CDK20: variants seen among roughly 807,000 people sequenced by gnomAD.
CDK20 encodes the protein cyclin-dependent kinase 20.
A neutral mutation model predicts 38.6 loss-of-function variants in CDK20; 40 were observed. That is an observed-to-expected ratio of 1.04 (90% CI 0.81 to 1.35). CDK20 has a LOEUF of 1.35. Ranked by LOEUF, CDK20 falls within the 40% of genes most tolerant of loss-of-function variation. The pLI, the probability that CDK20 is intolerant of heterozygous loss-of-function variation, is 0.00. For missense variants in CDK20, 512 were observed against 452.6 expected (o/e 1.13, Z -1.19); for synonymous variants, 209 against 185.7 (o/e 1.13, Z -1.02).
At position 87,969,341 on chromosome 9, in the gene CDK20, A is replaced by G. The variant is rs754986122; in HGVS notation, c.696T>C (p.Thr232=). The G allele has an allele frequency of 1.9e-6, 3 of 1,613,920 alleles. No individual in the cohort carries two copies. The highest frequency in any genetic ancestry group is 2.5e-6 in the Non-Finnish European group (3 of 1,179,932). The change falls in exon 7 of 8, where the codon ACT becomes ACC. Residue 232 remains threonine, a synonymous_variant. Transcript: ENST00000325303. The part of the protein sequence containing the change: ...TPNPQVWPEL[T]ELPDYNKISF... ...AGATCTTGTTGTAGTCCGGCAGCTC[A>G]GTGAGCTCCTGGGCCAGGGAGAAGG...
rs948849453 is a variant in CDK20, at chr9:87,969,061, C to T, written c.843+133G>A. On this transcript the variant is annotated intron_variant, in intron 7 of 7. Coordinates refer to ENST00000325303, the MANE Select transcript of CDK20 (RefSeq NM_001039803.3). ...CCCCTGTCCCCTGGGTTCCAGATGT[C>T]TGGTGCTGGTCCATGCCAATCACAG... is the stretch of plus-strand genomic sequence containing the variant. 17 of 1,063,312 alleles carry T rather than the reference C, an allele frequency of 1.6e-5. No individual in the cohort carries two copies. In the African/African-American group the frequency reaches 1.7e-4, roughly 11 times the overall value. The allele number at this position is 1,063,312 out of a possible 1,614,324, so 65.9% of individuals were successfully genotyped here. A position where few individuals can be genotyped will look rare whatever the true frequency, so the allele number is the denominator to read the frequency against.
chr9:87,970,702 G>A lies in CDK20; in HGVS notation c.501-72C>T, dbSNP rs556125732. On this transcript the variant is annotated intron_variant, in intron 4 of 7. Transcript: ENST00000325303. ...TGGGGAGGTGACCCCAGCCCCACAA[G>A]CAATGTCTGGAGAAAAGGCCCAGAA... 163 of 1,612,538 alleles carry A rather than the reference G, an allele frequency of 1.0e-4. No homozygotes were observed. In the African/African-American group the frequency reaches 2.1e-3, roughly 20 times the overall value.
chr9:87,974,293 A>G (rs1003172998), intron 1 of CDK20, 79 bp downstream of exon 1: 2 of 1,453,848 alleles, frequency 1.4e-6, no homozygotes, highest in Admixed American at 3.8e-5. Flanking sequence ...TAAAAAGGGA[A>G]CCGAAACAGT....
chr9:87,969,465 C>G (rs980131995), intron 6 of CDK20, 116 bp from the exon 7 acceptor site: 1 of 1,120,352 alleles, frequency 8.9e-7, no homozygotes, highest in Admixed American at 2.1e-5. Context: ...CTCTCCCATC[C>G]ATGTGTCTCC....
Position 87,970,612 on chromosome 9 carries a change from C to T in CDK20, c.519G>A (p.Glu173=), listed in dbSNP as rs772262030. 1.2e-5 allele frequency: 19 copies of T among 1,613,944 alleles called. No homozygotes were observed. Among genetic ancestry groups the T allele is most frequent in the Middle Eastern group, 1.6e-4 (1 of 6,082 alleles). Residue 173 remains glutamate (E), a synonymous_variant, in exon 5 of 8, where the codon GAG becomes GAA. Coordinates refer to ENST00000325303, the MANE Select transcript of CDK20 (RefSeq NM_001039803.3). The part of the protein sequence containing the change: ...QVATRWYRAP[E]LLYGARQYDQ... ...CATACTGGCGGGCACCATACAGGAG[C>T]TCGGGGGCTCGGTACCACCTGCGAG...
At position 87,969,787 on chromosome 9, in the gene CDK20, C is replaced by T. The variant is rs757008636; in HGVS notation, c.687+9G>A. The T allele has an allele frequency of 5.0e-6, 8 of 1,613,642 alleles. No homozygotes were observed. The South Asian group carries it at 7.7e-5, about 16-fold the overall frequency. The stretch of plus-strand genomic sequence containing the variant: ...CCCCACACCCACCTCACCAAGGGCC[C>T]CTACAAACCGGCCAGACTTGAGGGT... On this transcript the variant is annotated intron_variant, in intron 6 of 7. Coordinates refer to ENST00000325303, the MANE Select transcript of CDK20 (RefSeq NM_001039803.3).
rs1250770459 is a variant in CDK20, at chr9:87,971,199, T to C, written c.326A>G (p.Gln109Arg). 3.1e-6 allele frequency: 5 copies of C among 1,614,194 alleles called. No homozygotes were observed. Among genetic ancestry groups the C allele is most frequent in the Non-Finnish European group, 4.2e-6 (5 of 1,180,036 alleles). The change falls in exon 3 of 8, where the codon CAG becomes CGG. Residue 109 changes from glutamine to arginine, a missense_variant. By Grantham distance (43) the Gln-to-Arg change is conservative. Coordinates refer to ENST00000325303, the MANE Select transcript of CDK20 (RefSeq NM_001039803.3). ...GAAGGCGACACCCTTGAGCAGCATCTGCAGGTAGCTCTTGACCTGTGCCTG... is the reference window on the plus strand; with the variant it reads ...GAAGGCGACACCCTTGAGCAGCATCCGCAGGTAGCTCTTGACCTGTGCCTG... ...LAQAQVKSYL[Q>R]MLLKGVAFCH...
In CDK20 at chr9:87,969,906, T is replaced by G. The variant is rs1295719575; in HGVS notation, c.577A>C (p.Ile193Leu). ...GACCCATTCAACAGCTCCCCCATGA[T>G]GCAGCCCACAGACCTGTGGACACAG... ...QGVDLWSVGC[I>L]MGELLNGSPL... The change falls in exon 6 of 8, where the codon ATC (isoleucine) becomes CTC (leucine). Residue 193 changes from isoleucine (I) to leucine (L), a missense_variant. Transcript: ENST00000325303. The G allele has an allele frequency of 2.5e-6, 4 of 1,582,964 alleles. No individual in the cohort carries two copies. The highest frequency in any genetic ancestry group is 3.4e-6 in the Non-Finnish European group (4 of 1,163,632).
intron 7 of CDK20, chr9:87,968,825 G>A: frequency 4.1e-6 from 1 of 246,746 alleles, no homozygotes; most frequent in South Asian, 6.5e-5. Flanking sequence ...TGTGCCAGAT[G>A]TGCAGAAAAT....
chr9:87,967,221 A>G lies in CDK20; in HGVS notation c.*241T>C. 1 of 693,230 alleles carries G rather than the reference A, an allele frequency of 1.4e-6. No individual in the cohort carries two copies. The highest frequency in any genetic ancestry group is 2.7e-6 in the Non-Finnish European group (1 of 376,180). 42.9% of individuals were successfully genotyped at this position (693,230 alleles called of 1,614,324 possible). A position where few individuals can be genotyped will look rare whatever the true frequency, so the allele number is the denominator to read the frequency against. On this transcript the variant is annotated 3_prime_UTR_variant, in exon 8 of 8. Coordinates refer to ENST00000325303, the MANE Select transcript of CDK20 (RefSeq NM_001039803.3). ...GATGGGTACGTCAGTAGCACACAGA[A>G]GGTAAGGCTCACCGAGCACAGGCCA... is the stretch of plus-strand genomic sequence containing the variant.
rs202001800 is a variant in CDK20, at chr9:87,970,844, C to T, written c.432G>A (p.Ala144=). The T allele has an allele frequency of 1.4e-4, 218 of 1,614,202 alleles. No homozygotes were observed. Among genetic ancestry groups the T allele is most frequent in the African/African-American group, 2.7e-4 (20 of 75,064 alleles). Residue 144 remains alanine (A), a synonymous_variant, in exon 4 of 8, where the codon GCG becomes GCA. Transcript: ENST00000325303. ...AAAAGACTCGAGCCAGGCCAAAGTCCGCTATCTTGAGCTGGCCTGAGGCGC... is the reference window on the plus strand; with the variant it reads ...AAAAGACTCGAGCCAGGCCAAAGTCTGCTATCTTGAGCTGGCCTGAGGCGC... The part of the protein sequence containing the change: ...LISASGQLKI[A]DFGLARVFSP...
Position 87,967,033 on chromosome 9 carries a change from AAAACC to A in CDK20, c.*424_*428del, listed in dbSNP as rs759299745. On this transcript the variant is annotated 3_prime_UTR_variant, in exon 8 of 8. Transcript: ENST00000325303. ...ACTAGTGTTTAATGGCTCTGAGAATAAAACCAAACCAAATCTTCCTTCCACTTGAG... is the reference window on the plus strand; with the variant it reads ...ACTAGTGTTTAATGGCTCTGAGAATAAAACCAAATCTTCCTTCCACTTGAG... 2 of 520,136 alleles carry A rather than the reference AAAACC, an allele frequency of 3.8e-6. No homozygotes were observed. Among genetic ancestry groups the A allele is most frequent in the Admixed American group, 2.0e-5 (1 of 51,136 alleles). 32.2% of individuals were successfully genotyped at this position (520,136 alleles called of 1,614,324 possible). A position where few individuals can be genotyped will look rare whatever the true frequency, so the allele number is the denominator to read the frequency against.
In CDK20 at chr9:87,974,026, T is replaced by G. The variant is rs761038829; in HGVS notation, c.85A>C (p.Ile29Leu). The change falls in exon 2 of 8, where the codon ATA becomes CTA. Residue 29 changes from isoleucine (I) to leucine (L), a missense_variant. Coordinates refer to ENST00000325303, the MANE Select transcript of CDK20 (RefSeq NM_001039803.3). ...FKAKHVETGE[I>L]VALKKVALRR... is the part of the protein sequence containing the mutation. The stretch of plus-strand genomic sequence containing the variant: ...AGGGCCACCTTCTTGAGGGCAACTA[T>G]CTCGCCAGTCTGCAGGATAGAAGGC... The G allele has an allele frequency of 6.2e-7, 1 of 1,614,050 alleles. No homozygotes were observed. The highest frequency in any genetic ancestry group is 1.1e-5 in the South Asian group (1 of 91,078).
chr9:87,974,099 T>C, intron 1 of CDK20, 64 bp from the exon 2 acceptor site: 1 of 1,609,384 alleles, frequency 6.2e-7, no homozygotes. Context: ...TGAAGGTGGG[T>C]GAGGGGAAGG....
chr9:87,972,602 ATGAC>A (rs1184765120), intron 2 of CDK20, among the ~76,000 whole-genome samples: 1 of 152,220 alleles, frequency 6.6e-6, no homozygotes, highest in African/African-American at 2.4e-5. Context: ...AGGGGAGCCG[ATGAC>A]TTAACTTACA....
Position 87,967,414 on chromosome 9 carries a change from G to T in CDK20, c.*48C>A, listed in dbSNP as rs1482135850. ...CCAGGCAGGTGGCAGAGGAACAGGT[G>T]GACTGAGTGGTCCTGAGGAGCAGGC... On this transcript the variant is annotated 3_prime_UTR_variant, in exon 8 of 8. Transcript: ENST00000325303. 6.5e-7 allele frequency: 1 copy of T among 1,536,950 alleles called. No homozygotes were observed. Among genetic ancestry groups the T allele is most frequent in the African/African-American group, 1.4e-5 (1 of 72,852 alleles).
In CDK20 at chr9:87,973,961, C is replaced by T. The variant is rs773785744; in HGVS notation, c.150G>A (p.Arg50=). 1 of 1,614,170 alleles carries T rather than the reference C, an allele frequency of 6.2e-7. No homozygotes were observed. Among genetic ancestry groups the T allele is most frequent in the South Asian group, 1.1e-5 (1 of 91,090 alleles). Residue 50 remains arginine, a synonymous_variant, in exon 2 of 8, where the codon CGG becomes CGA. Transcript: ENST00000325303. ...LEDGFPNQAL[R]EIKALQEMED... is the part of the protein sequence containing the mutation. ...CCATCTCCTGCAGAGCCTTAATCTC[C>T]CGCAGGGCCTGGTTAGGGAAGCCGT...
At position 87,967,336 on chromosome 9, in the gene CDK20, G is replaced by T; in HGVS notation, c.*126C>A. 1.1e-6 allele frequency: 1 copy of T among 922,384 alleles called. No homozygotes were observed. 57.1% of individuals were successfully genotyped at this position (922,384 alleles called of 1,614,324 possible). The stretch of plus-strand genomic sequence containing the variant: ...GACCAACCCTCGCAAGGGCTAAGGG[G>T]CAGGGTGTGGTGTGGGCCCACTGTG... On this transcript the variant is annotated 3_prime_UTR_variant, in exon 8 of 8. Transcript: ENST00000325303.
rs564653137 is a variant in CDK20, at chr9:87,971,254, C to A, written c.271G>T (p.Val91Leu). Reference sequence around the variant, plus strand: ...AGTGGCCTCTGGGCATGGCGCACCACCTCGGCCAGATCCGACAGCATGAAC... The same window carrying A: ...AGTGGCCTCTGGGCATGGCGCACCAACTCGGCCAGATCCGACAGCATGAAC... The part of the protein sequence containing the change: ...FEFMLSDLAE[V>L]VRHAQRPLAQ... Residue 91 changes from valine to leucine, a missense_variant, in exon 3 of 8, where the codon GTG becomes TTG. Physicochemically the swap from Val to Leu is conservative, Grantham distance 32. Transcript: ENST00000325303. The A allele has an allele frequency of 6.2e-7, 1 of 1,614,158 alleles. No homozygotes were observed. The highest frequency in any genetic ancestry group is 1.7e-5 in the Admixed American group (1 of 60,024).
Sources: gnomAD v4.1 joint callset for allele counts (sites outside exome capture counted in the v4.1 genomes callset) on GRCh38, gnomAD v4.1.1 for gene constraint, MANE v1.5 for transcripts, NCBI Gene and HGNC (gene_info 2026-07-23, HGNC 2026-07-21) for gene names.